CACNG7: variants seen among roughly 807,000 people sequenced by gnomAD.
CACNG7 encodes calcium voltage-gated channel auxiliary subunit gamma 7.
Under a neutral mutation model 26.3 loss-of-function variants are expected in CACNG7, and 9 were observed. That is an observed-to-expected ratio of 0.34 (90% CI 0.21 to 0.60). The LOEUF (loss-of-function observed/expected upper bound fraction) is 0.60, where lower values mean the gene tolerates loss of function less well. Among genes scored for constraint, CACNG7 ranks in the 20% least tolerant of loss-of-function variants. The probability of loss-of-function intolerance (pLI) is 0.81; values close to 1 mark genes in which losing one functional copy is unlikely to be tolerated. For synonymous variants in CACNG7, 170 were observed against 157.0 expected (o/e 1.08, Z -0.62); for missense variants, 297 against 380.4 (o/e 0.78, Z 1.82).
At chr19:53,924,834 G>T (rs1374229271) in intron 4 of CACNG7, among the ~76,000 whole-genome samples, 2 of 144,020 alleles carry the variant, frequency 1.4e-5, no homozygotes, top group African/African-American at 5.2e-5. Context: ...GTCATTGGTG[G>T]AGTTGCCCCA....
chr19:53,930,151 A>G lies in CACNG7; in HGVS notation c.425-11319A>G, dbSNP rs183944220. ...ATTATATTATCCCACCCACCTGAAT[A>G]ATCCAAGGTTTTTAAATGTTTTTCT... is the stretch of plus-strand genomic sequence containing the variant. On this transcript the variant is annotated intron_variant, in intron 4 of 5. Coordinates refer to ENST00000391767, the MANE Select transcript of CACNG7 (RefSeq NM_031896.5). 9.0e-3 allele frequency among the ~76,000 whole-genome samples: 1,345 copies of G among 150,188 alleles called. 34 individuals carry two copies. The highest frequency in any genetic ancestry group is 8.1e-3 in the Non-Finnish European group (549 of 67,800).
In CACNG7 at chr19:53,909,425, C is replaced by T. The variant is rs1438955987; in HGVS notation, c.-122C>T. Reference sequence around the variant, plus strand: ...GCGGGGGGCGCGGGCACCGGCGACCCCGGTGGCGGCGGCGGCGGCCGGGGG... The same window carrying T: ...GCGGGGGGCGCGGGCACCGGCGACCTCGGTGGCGGCGGCGGCGGCCGGGGG... On this transcript the variant is annotated 5_prime_UTR_variant, in exon 1 of 6. Coordinates refer to ENST00000391767, the MANE Select transcript of CACNG7 (RefSeq NM_031896.5). This position sits in a 1 kb window ranked among gnomAD's most constrained non-coding sequence, Gnocchi z 5.1. The T allele has an allele frequency of 6.7e-6, 1 of 148,972 alleles. No homozygotes were observed. The highest frequency in any genetic ancestry group is 1.5e-5 in the Non-Finnish European group (1 of 66,624). The allele number at this position is 148,972 out of a possible 1,614,324, so 9.2% of individuals were successfully genotyped here. A position where few individuals can be genotyped will look rare whatever the true frequency, so the allele number is the denominator to read the frequency against.
At chr19:53,931,685 TAAAAAAAA>T (rs747430354) in intron 4 of CACNG7, among the ~76,000 whole-genome samples, 4,051 of 44,924 alleles carry the variant, frequency 0.09, 267 homozygotes, top group African/African-American at 0.27. Flanking sequence ...AGACTCTGTC[TAAAAAAAA>T]AAAAAAAAAA....
At chr19:53,938,393 A>G (rs142162704) in intron 4 of CACNG7, among the ~76,000 whole-genome samples, 2 of 152,200 alleles carry the variant, frequency 1.3e-5, no homozygotes, top group East Asian at 3.9e-4. Context: ...AGAAAAAGAA[A>G]CAAGGAGAAA....
Position 53,919,312 on chromosome 19 carries a change from G to T in CACNG7, c.424+3807G>T, listed in dbSNP as rs200047415. Among the ~76,000 whole-genome samples, 10 of 152,250 alleles carry T rather than the reference G, an allele frequency of 6.6e-5. No homozygotes were observed. In the East Asian group the frequency reaches 1.5e-3, roughly 23 times the overall value. On this transcript the variant is annotated intron_variant, in intron 4 of 5. Transcript: ENST00000391767. ...CAGGCCTCAGAGAGAGAAAGACAGG[G>T]ATTGCCCCAGACCTGGTCATTGGTG...
intron 4 of CACNG7, among the ~76,000 whole-genome samples, chr19:53,928,296 G>C (rs189335603): frequency 6.6e-6 from 1 of 152,184 alleles, no homozygotes; most frequent in African/African-American, 2.4e-5. Context: ...TATTGAGGCA[G>C]TGTCTTGCTC....
At chr19:53,933,661 ATT>A (rs1171591694) in intron 4 of CACNG7, among the ~76,000 whole-genome samples, 9 of 136,222 alleles carry the variant, frequency 6.6e-5, no homozygotes, top group African/African-American at 1.6e-4. Flanking sequence ...TGCAGGTTTG[ATT>A]TTTTTTTTTT....
intron 4 of CACNG7, among the ~76,000 whole-genome samples, chr19:53,928,312 C>T (rs1433417763): frequency 6.6e-6 from 1 of 152,044 alleles, no homozygotes; most frequent in Non-Finnish European, 1.5e-5. Context: ...TGCTCTGTTG[C>T]CCAGGCTGGA....
intron 4 of CACNG7, among the ~76,000 whole-genome samples, chr19:53,936,984 T>G (rs994844280): frequency 1.3e-5 from 2 of 152,184 alleles, no homozygotes; most frequent in African/African-American, 4.8e-5. Context: ...CATAGCTCAC[T>G]GCAGCCTTGA....
At chr19:53,930,189 A>G (rs1047986570) in intron 4 of CACNG7, among the ~76,000 whole-genome samples, 5 of 146,652 alleles carry the variant, frequency 3.4e-5, no homozygotes, top group African/African-American at 1.0e-4. Context: ...CTATCTCTCT[A>G]TCTTTCCCTC....
intron 4 of CACNG7, among the ~76,000 whole-genome samples, chr19:53,928,630 G>A (rs1441579015): frequency 6.6e-6 from 1 of 152,002 alleles, no homozygotes; most frequent in African/African-American, 2.4e-5. Flanking sequence ...TCTGGGGTTG[G>A]AGTGAACTAT....
At chr19:53,920,064 G>GC (rs2068929424) in intron 4 of CACNG7, among the ~76,000 whole-genome samples, 1 of 124,022 alleles carries the variant, frequency 8.1e-6, no homozygotes, top group Admixed American at 7.5e-5. Context: ...CTTGCCCCAG[G>GC]CTGGTCATTG....
intron 4 of CACNG7, among the ~76,000 whole-genome samples, chr19:53,935,305 C>T (rs539626280): frequency 3.3e-5 from 5 of 151,868 alleles, no homozygotes; most frequent in Admixed American, 1.3e-4. Flanking sequence ...TTAAATTTCA[C>T]CAATGTCCCA....
At chr19:53,917,499 C>T (rs2068906215) in intron 4 of CACNG7, among the ~76,000 whole-genome samples, 1 of 152,114 alleles carries the variant, frequency 6.6e-6, no homozygotes, top group African/African-American at 2.4e-5. Flanking sequence ...TGCTCCTCAC[C>T]CAGGCTCCTC....
chr19:53,934,963 TACA>T (rs1460471255), intron 4 of CACNG7, among the ~76,000 whole-genome samples: 6 of 152,124 alleles, frequency 3.9e-5, no homozygotes, highest in East Asian at 3.8e-4. Context: ...TTCAACATTT[TACA>T]ACATTTGCCT....
At position 53,943,265 on chromosome 19, in the gene CACNG7, C is replaced by G. The variant is rs2069150736; in HGVS notation, c.*972C>G. 6.6e-6 allele frequency: 1 copy of G among 151,998 alleles called. No homozygotes were observed. The highest frequency in any genetic ancestry group is 6.6e-5 in the Admixed American group (1 of 15,266). The allele number at this position is 151,998 out of a possible 1,614,324, so 9.4% of individuals were successfully genotyped here. The stretch of plus-strand genomic sequence containing the variant: ...GGCAGTAGCGGGGGTCGACACCCCC[C>G]CCAAACCTCTAAGTCTTCCATTTTC... On this transcript the variant is annotated 3_prime_UTR_variant, in exon 6 of 6. Coordinates refer to ENST00000391767, the MANE Select transcript of CACNG7 (RefSeq NM_031896.5).
chr19:53,941,321 C>A, intron 4 of CACNG7, 149 bp from the exon 5 acceptor site: 2 of 827,090 alleles, frequency 2.4e-6, no homozygotes, highest in Non-Finnish European at 3.6e-6. Context: ...TCTGGGCTCC[C>A]TGCACCCAAC....
At position 53,924,413 on chromosome 19, in the gene CACNG7, G is replaced by T. The variant is rs546683138; in HGVS notation, c.424+8908G>T. Among the ~76,000 whole-genome samples the T allele has an allele frequency of 1.7e-3, 253 of 147,142 alleles. 2 individuals are homozygous for T. The highest frequency in any genetic ancestry group is 6.2e-3 in the African/African-American group (244 of 39,406). ...TTGTCCCCAGGCCTGGTCATTGGTG[G>T]AGTTGCCCCAGGTCTGGTCATTGGT... On this transcript the variant is annotated intron_variant, in intron 4 of 5. Coordinates refer to ENST00000391767, the MANE Select transcript of CACNG7 (RefSeq NM_031896.5).
rs2069144918 is a variant in CACNG7 at position 53,942,458 on chromosome 19, T to C, written c.*165T>C. On this transcript the variant is annotated 3_prime_UTR_variant, in exon 6 of 6. Coordinates refer to ENST00000391767, the MANE Select transcript of CACNG7 (RefSeq NM_031896.5). The surrounding 1 kb of genome is among the most constrained non-coding windows in gnomAD (Gnocchi z 5.9). ...CCTCCCAATGGCTCCGCCCACAGAC[T>C]CCCTTATTTCAATGGCCGCGCCCTC... 2 of 1,464,530 alleles carry C rather than the reference T, an allele frequency of 1.4e-6. No homozygotes were observed. The highest frequency in any genetic ancestry group is 2.3e-4 in the Middle Eastern group (1 of 4,308). 90.7% of individuals were successfully genotyped at this position (1,464,530 alleles called of 1,614,324 possible).
Sources: allele counts gnomAD v4.1 joint callset (sites outside exome capture counted in the v4.1 genomes callset), GRCh38; gene constraint gnomAD v4.1.1; non-coding constraint Gnocchi (gnomAD v3.1); transcripts MANE v1.5; gene names NCBI Gene and HGNC (gene_info 2026-07-23, HGNC 2026-07-21).